The following EGLN1 variants were observed in gnomAD, a reference collection of about 807,000 sequenced individuals.
EGLN1 encodes egl-9 family hypoxia inducible factor 1.
EGLN1 carries 17 observed loss-of-function variants against 38.3 expected under a neutral mutation model. The ratio of observed to expected loss-of-function variants is 0.44; its 90% CI spans 0.30 to 0.67. The LOEUF (loss-of-function observed/expected upper bound fraction) is 0.67. Ranked by LOEUF, EGLN1 falls within the 30% of genes least tolerant of loss-of-function variation. The pLI is 0.08. For synonymous variants in EGLN1, 283 were observed against 257.5 expected (o/e 1.10, Z -0.95); for missense variants, 477 against 603.3 (o/e 0.79, Z 2.19).
At chr1:231,416,636 G>A (rs796416931) in intron 1 of EGLN1, among the ~76,000 whole-genome samples, 2 of 152,138 alleles carry the variant, frequency 1.3e-5, no homozygotes, top group African/African-American at 4.8e-5. Flanking sequence ...AAAATGCTGG[G>A]ATTATAGGCG....
rs1378168672 is a variant in EGLN1 at position 231,421,787 on chromosome 1, G to C, written c.102C>G (p.Ser34Arg). 4 of 1,558,184 alleles carry C rather than the reference G, an allele frequency of 2.6e-6. No individual in the cohort carries two copies. The highest frequency in any genetic ancestry group is 1.4e-5 in the African/African-American group (1 of 71,558). ...CGKMENLLRC[S>R]RCRSSFYCCK... Reference sequence around the variant, plus strand: ...AGCAGTAGAAGGAGCTGCGGCAGCGGCTGCAGCGCAGCAGGTTCTCCATCT... The same window carrying C: ...AGCAGTAGAAGGAGCTGCGGCAGCGCCTGCAGCGCAGCAGGTTCTCCATCT... Residue 34 changes from serine to arginine, a missense_variant, in exon 1 of 5, where the codon AGC becomes AGG. By Grantham distance (110) the Ser-to-Arg change is moderately radical. Around this residue, in one of 4 missense-constraint regions of EGLN1, gnomAD observed 298 missense variants for 288.9 expected, o/e 1.03. Coordinates refer to ENST00000366641, the MANE Select transcript of EGLN1 (RefSeq NM_022051.3). This position sits in a 1 kb window ranked among gnomAD's most constrained non-coding sequence, Gnocchi z 5.5.
chr1:231,412,670 G>C (rs372745421), intron 1 of EGLN1, among the ~76,000 whole-genome samples: 99 of 152,270 alleles, frequency 6.5e-4, no homozygotes, highest in African/African-American at 2.2e-3. Flanking sequence ...AGAAAGGATG[G>C]GGCTAGAAGG....
Position 231,365,611 on chromosome 1 carries a change from C to G in EGLN1, c.*800G>C, listed in dbSNP as rs1160779031. 1 of 152,264 alleles carries G rather than the reference C, an allele frequency of 6.6e-6. No individual in the cohort carries two copies. The highest frequency in any genetic ancestry group is 6.5e-5 in the Admixed American group (1 of 15,270). 9.4% of individuals were successfully genotyped at this position (152,264 alleles called of 1,614,324 possible). On this transcript the variant is annotated 3_prime_UTR_variant, in exon 5 of 5. Coordinates refer to ENST00000366641, the MANE Select transcript of EGLN1 (RefSeq NM_022051.3). ...CAAGAATGCACCACTCCCCTCCAGC[C>G]TGGGTAACAGAGCAAGACTGTCTCA...
intron 1 of EGLN1, among the ~76,000 whole-genome samples, chr1:231,402,889 A>C (rs1688697605): frequency 6.8e-6 from 1 of 146,866 alleles, no homozygotes. Flanking sequence ...GCCAGTACTG[A>C]ATTTCCTTAG....
chr1:231,388,345 A>AT (rs1688274754), intron 1 of EGLN1, among the ~76,000 whole-genome samples: 1 of 152,228 alleles, frequency 6.6e-6, no homozygotes, highest in African/African-American at 2.4e-5. Flanking sequence ...TATGTGGTTG[A>AT]TAAGACGGTG....
intron 1 of EGLN1, among the ~76,000 whole-genome samples, chr1:231,407,886 G>A (rs1411483462): frequency 6.6e-6 from 1 of 152,010 alleles, no homozygotes; most frequent in Non-Finnish European, 1.5e-5. Context: ...TACCACAACA[G>A]GATTAAAACT....
At chr1:231,418,695 A>C (rs936506949) in intron 1 of EGLN1, among the ~76,000 whole-genome samples, 3 of 151,940 alleles carry the variant, frequency 2.0e-5, no homozygotes, top group African/African-American at 7.3e-5. Context: ...CTGACTCTAC[A>C]AAAAAAATTT....
chr1:231,381,988 G>C (rs1271984309), intron 1 of EGLN1, among the ~76,000 whole-genome samples: 1 of 152,214 alleles, frequency 6.6e-6, no homozygotes, highest in Non-Finnish European at 1.5e-5. Context: ...GCCCATGCAA[G>C]GAAGTATCAC....
intron 1 of EGLN1, 49 bp from the exon 2 acceptor site, chr1:231,374,148 G>C (rs1478267028): frequency 1.3e-6 from 2 of 1,557,712 alleles, no homozygotes; most frequent in African/African-American, 1.4e-5. Context: ...TAAATAAAAA[G>C]AGAGAACAGC....
At chr1:231,397,400 T>C (rs1351908016) in intron 1 of EGLN1, among the ~76,000 whole-genome samples, 1 of 152,262 alleles carries the variant, frequency 6.6e-6, no homozygotes, top group Non-Finnish European at 1.5e-5. Flanking sequence ...TGGCTTCAAA[T>C]ATCCCTTGGC....
At chr1:231,404,578 G>C (rs188375624) in intron 1 of EGLN1, among the ~76,000 whole-genome samples, 1 of 151,930 alleles carries the variant, frequency 6.6e-6, no homozygotes, top group Non-Finnish European at 1.5e-5. Context: ...ATGAGTTCAA[G>C]ACCATCCTGG....
chr1:231,380,469 T>TAC (rs1688057384), intron 1 of EGLN1, among the ~76,000 whole-genome samples: 1 of 148,732 alleles, frequency 6.7e-6, no homozygotes, highest in African/African-American at 2.4e-5. Context: ...GATAGGTATA[T>TAC]ATATATTTTA....
At chr1:231,383,354 C>T (rs1688119930) in intron 1 of EGLN1, among the ~76,000 whole-genome samples, 1 of 152,108 alleles carries the variant, frequency 6.6e-6, no homozygotes, top group Non-Finnish European at 1.5e-5. Context: ...GGTCAGGTCA[C>T]AACAGGCAAA....
intron 1 of EGLN1, among the ~76,000 whole-genome samples, chr1:231,391,411 T>C (rs1202332540): frequency 6.6e-6 from 1 of 152,078 alleles, no homozygotes; most frequent in South Asian, 2.1e-4. Flanking sequence ...CCAAACTCTT[T>C]AGAGAGGGGA....
intron 1 of EGLN1, among the ~76,000 whole-genome samples, chr1:231,409,534 C>G (rs1458804864): frequency 6.6e-6 from 1 of 152,156 alleles, no homozygotes; most frequent in Admixed American, 6.5e-5. Context: ...GTTCCTCCAT[C>G]TCCCCCATCA....
intron 1 of EGLN1, among the ~76,000 whole-genome samples, chr1:231,399,005 G>A (rs1347360771): frequency 6.6e-6 from 1 of 152,196 alleles, no homozygotes; most frequent in Non-Finnish European, 1.5e-5. Flanking sequence ...CTGATATTAA[G>A]TGTGAAAACT....
intron 1 of EGLN1, 107 bp downstream of exon 1, chr1:231,420,891 C>T (rs1656564175): frequency 1.9e-6 from 3 of 1,606,746 alleles, no homozygotes; most frequent in East Asian, 4.5e-5. Flanking sequence ...GAGCGAGTCC[C>T]TTCTATATAG....
chr1:231,420,123 G>A (rs1293707085), intron 1 of EGLN1: 2 of 152,162 alleles, frequency 1.3e-5, no homozygotes, highest in Non-Finnish European at 2.9e-5. Flanking sequence ...AAGAAGTGAA[G>A]AAATCTGTGG....
chr1:231,372,852 C>A (rs984491259), intron 2 of EGLN1, among the ~76,000 whole-genome samples: 1 of 152,074 alleles, frequency 6.6e-6, no homozygotes, highest in African/African-American at 2.4e-5. Flanking sequence ...CAGGCAGTTT[C>A]CATTTGTGTG....
Sources: gnomAD v4.1 joint callset for allele counts (sites outside exome capture counted in the v4.1 genomes callset) on GRCh38, gnomAD v4.1.1 for gene constraint, gnomAD v4.1.1 regional missense constraint, Gnocchi (gnomAD v3.1) non-coding constraint, MANE v1.5 for transcripts, NCBI Gene and HGNC (gene_info 2026-07-23, HGNC 2026-07-21) for gene names.